NCALD: variants seen among roughly 807,000 people sequenced by gnomAD.
NCALD encodes neurocalcin-delta.
A neutral mutation model predicts 18.6 loss-of-function variants in NCALD; 10 were observed. The ratio of observed to expected loss-of-function variants is 0.54; its 90% CI spans 0.33 to 0.91. The LOEUF is 0.91. Among genes scored for constraint, NCALD ranks in the 40% least tolerant of loss-of-function variants. NCALD has a pLI of 0.03. For missense variants in NCALD, 184 were observed against 247.6 expected, an observed-to-expected ratio of 0.74 and a Z score of 1.72; for synonymous variants, 88 against 87.4, an observed-to-expected ratio of 1.01 and a Z score of -0.04.
intron 1 of NCALD, among the ~76,000 whole-genome samples, chr8:101,724,255 AC>A (rs1283466905): frequency 5.9e-5 from 9 of 152,234 alleles, no homozygotes; most frequent in African/African-American, 2.2e-4. Flanking sequence ...AATGAGACCT[AC>A]TTGGCAGTCT....
chr8:101,767,461 A>G (rs555858788), intron 1 of NCALD, among the ~76,000 whole-genome samples: 30 of 152,358 alleles, frequency 2.0e-4, no homozygotes, highest in Middle Eastern at 6.8e-3. Context: ...AGCTGAAGCC[A>G]CATTCTGGGA....
chr8:101,689,247 T>A lies in NCALD; in HGVS notation c.*62A>T. 1.3e-6 allele frequency: 2 copies of A among 1,510,044 alleles called. No individual in the cohort carries two copies. The highest frequency in any genetic ancestry group is 2.1e-5 in the Admixed American group (1 of 48,486). The allele number at this position is 1,510,044 out of a possible 1,614,324, so 93.5% of individuals were successfully genotyped here. A position where few individuals can be genotyped will look rare whatever the true frequency, so the allele number is the denominator to read the frequency against. ...GTTTGGCAAAAAAAAAAAAAAATTGTTAAAAAGAAGAATCAAAAGGGAACA... is the reference window on the plus strand; with the variant it reads ...GTTTGGCAAAAAAAAAAAAAAATTGATAAAAAGAAGAATCAAAAGGGAACA... On this transcript the variant is annotated 3_prime_UTR_variant, in exon 4 of 4. Transcript: ENST00000220931. The surrounding 1 kb of genome is among the most constrained non-coding windows in gnomAD (Gnocchi z 4.4).
intron 2 of NCALD, among the ~76,000 whole-genome samples, chr8:101,929,083 G>A (rs1025207634): frequency 1.4e-4 from 21 of 151,626 alleles, no homozygotes; most frequent in East Asian, 2.0e-4. Flanking sequence ...TGTGATAGTC[G>A]GGCTGTCAAA....
At chr8:101,791,757 C>A (rs1425460381), upstream of NCALD, among the ~76,000 whole-genome samples, 2 of 152,082 alleles carry the variant, frequency 1.3e-5, no homozygotes, top group Non-Finnish European at 1.5e-5. Context: ...TGGGGCCATA[C>A]GGGTGCCAAA....
intron 2 of NCALD, among the ~76,000 whole-genome samples, chr8:101,963,502 A>G (rs1819910500): frequency 6.6e-6 from 1 of 152,168 alleles, no homozygotes; most frequent in South Asian, 2.1e-4. Context: ...ATCACTTTCC[A>G]CAATGAGGGA....
intron 1 of NCALD, among the ~76,000 whole-genome samples, chr8:102,023,141 C>A (rs1344826607): frequency 6.6e-6 from 1 of 152,218 alleles, no homozygotes; most frequent in African/African-American, 2.4e-5. Context: ...TTCCAAGCAT[C>A]ACCCGCCCTG....
intron 2 of NCALD, among the ~76,000 whole-genome samples, chr8:101,988,162 A>T (rs1257293740): frequency 1.4e-5 from 2 of 145,306 alleles, no homozygotes; most frequent in Non-Finnish European, 3.0e-5. Context: ...CTCAAAAAAA[A>T]AAAAAGAAAA....
chr8:101,991,021 A>G lies in NCALD; in HGVS notation c.-157+29216T>C, dbSNP rs985434202. 2.0e-5 allele frequency among the ~76,000 whole-genome samples: 3 copies of G among 152,196 alleles called. No homozygotes were observed. The South Asian group carries it at 6.2e-4, about 32-fold the overall frequency. Reference sequence around the variant, plus strand: ...GTCCCAGACAAAAATATTCTGCTCCATCTTAGCTAGGCTCTAATTTGGTTC... The same window carrying G: ...GTCCCAGACAAAAATATTCTGCTCCGTCTTAGCTAGGCTCTAATTTGGTTC... On this transcript the variant is annotated intron_variant, in intron 2 of 6. Coordinates refer to the NCALD transcript ENST00000311028.
At chr8:101,848,152 A>C (rs373104642) in intron 4 of NCALD, among the ~76,000 whole-genome samples, 2 of 152,124 alleles carry the variant, frequency 1.3e-5, no homozygotes, top group Admixed American at 6.5e-5. Flanking sequence ...GGAAAGCATC[A>C]TAAGAAAAAT....
At chr8:101,969,328 G>A (rs1386918575) in intron 2 of NCALD, among the ~76,000 whole-genome samples, 1 of 152,158 alleles carries the variant, frequency 6.6e-6, no homozygotes, top group Admixed American at 6.5e-5. Context: ...TACTCAGAAT[G>A]GACCAAGAAA....
intron 1 of NCALD, among the ~76,000 whole-genome samples, chr8:102,119,901 A>T (rs1470965444): frequency 6.6e-6 from 1 of 152,226 alleles, no homozygotes; most frequent in Non-Finnish European, 1.5e-5. Flanking sequence ...GTTGAGTAAA[A>T]ATCCAGGCAG....
Position 101,942,219 on chromosome 8 carries a change from G to A in NCALD, c.-156-26361C>T, listed in dbSNP as rs540938465. ...CACTTGGTAACCCATATGAGACAATGAGGAGAGGCAGATGCACTGGAAGAG... is the reference window on the plus strand; with the variant it reads ...CACTTGGTAACCCATATGAGACAATAAGGAGAGGCAGATGCACTGGAAGAG... On this transcript the variant is annotated intron_variant, in intron 2 of 6. Transcript: ENST00000311028. Among the ~76,000 whole-genome samples the A allele has an allele frequency of 3.4e-4, 52 of 152,226 alleles. 1 individual carries two copies. The highest frequency in any genetic ancestry group is 2.0e-3 in the Admixed American group (30 of 15,302).
chr8:101,769,127 C>G (rs1229430164), intron 1 of NCALD, among the ~76,000 whole-genome samples: 1 of 152,158 alleles, frequency 6.6e-6, no homozygotes, highest in Non-Finnish European at 1.5e-5. Context: ...CTCCCCTAGA[C>G]CCTCAGAGGG....
intron 3 of NCALD, chr8:101,691,757 C>G (rs1312939813): frequency 3.0e-6 from 3 of 985,204 alleles, no homozygotes; most frequent in Non-Finnish European, 3.6e-6. Context: ...GCAGCTGTAC[C>G]TGGGCGGGGG....
chr8:101,963,525 C>T (rs915387102), intron 2 of NCALD, among the ~76,000 whole-genome samples: 6 of 152,082 alleles, frequency 3.9e-5, no homozygotes, highest in East Asian at 1.9e-4. Context: ...GAACTGCTGC[C>T]GGACAGAACT....
chr8:102,012,237 C>T (rs1821929055), intron 2 of NCALD, among the ~76,000 whole-genome samples: 1 of 152,144 alleles, frequency 6.6e-6, no homozygotes, highest in Non-Finnish European at 1.5e-5. Context: ...GGAACAAGCC[C>T]GAATGTCACC....
Position 102,090,609 on chromosome 8 carries a change from G to A in NCALD, c.-210+33628C>T, listed in dbSNP as rs527838251. On this transcript the variant is annotated intron_variant, in intron 1 of 6. Coordinates refer to the NCALD transcript ENST00000311028. ...TTTTTTTTACTTTTTTGCTTAAAAC[G>A]TTGCTGAATCTTTTTGTTTTCCAGA... is the stretch of plus-strand genomic sequence containing the variant. Among the ~76,000 whole-genome samples, 6 of 152,152 alleles carry A rather than the reference G, an allele frequency of 3.9e-5. No homozygotes were observed. In the East Asian group the frequency reaches 5.8e-4, roughly 15 times the overall value.
At chr8:102,054,672 AG>A (rs1823575852) in intron 1 of NCALD, among the ~76,000 whole-genome samples, 2 of 90,828 alleles carry the variant, frequency 2.2e-5, no homozygotes, top group African/African-American at 8.6e-5. Context: ...ATAGATAGAT[AG>A]ATAGATAGAT....
intron 3 of NCALD, chr8:101,692,206 G>T (rs1015341191): frequency 1.0e-6 from 1 of 985,094 alleles, no homozygotes; most frequent in East Asian, 1.1e-4. Context: ...TTTTCACTTC[G>T]TTGGGTTTGA....
Sources: gnomAD v4.1 joint callset for allele counts (sites outside exome capture counted in the v4.1 genomes callset) on GRCh38, gnomAD v4.1.1 for gene constraint, Gnocchi (gnomAD v3.1) non-coding constraint, MANE v1.5 for transcripts, NCBI Gene and HGNC (gene_info 2026-07-23, HGNC 2026-07-21) for gene names.